Variants in LINGO2 observed in about 807,000 individuals in gnomAD.
The protein encoded by LINGO2 is leucine-rich repeat and immunoglobulin-like domain-containing nogo receptor-interacting protein 2.
Under a neutral mutation model 30.6 loss-of-function variants are expected in LINGO2, and 14 were observed. The ratio of observed to expected loss-of-function variants is 0.46; its 90% CI spans 0.30 to 0.72. LINGO2 has a LOEUF of 0.72. LINGO2 is among the 30% of genes least tolerant of loss of function. The probability of loss-of-function intolerance (pLI) is 0.07; values close to 1 mark genes in which losing one functional copy is unlikely to be tolerated. For synonymous variants in LINGO2, 317 were observed against 288.5 expected (o/e 1.10, Z -1.00); for missense variants, 729 against 751.7 (o/e 0.97, Z 0.35).
chr9:28,387,561 T>C (rs1821639549), intron 2 of LINGO2, among the ~76,000 whole-genome samples: 1 of 152,210 alleles, frequency 6.6e-6, no homozygotes, highest in Admixed American at 6.5e-5. Context: ...ACTCTTTGGG[T>C]CCACACAGTC....
chr9:28,726,905 T>C, the LINGO2 span, among the ~76,000 whole-genome samples: 1 of 152,176 alleles, frequency 6.6e-6, no homozygotes, highest in Non-Finnish European at 1.5e-5. Flanking sequence ...TTGACCACCA[T>C]TGGATCTGGG....
intron 1 of LINGO2, among the ~76,000 whole-genome samples, chr9:28,558,609 T>A (rs1320560280): frequency 6.6e-6 from 1 of 152,078 alleles, no homozygotes; most frequent in Non-Finnish European, 1.5e-5. Flanking sequence ...TTTATGGTAT[T>A]TAGCCATAAT....
chr9:28,858,108 A>T, the LINGO2 span, among the ~76,000 whole-genome samples: 108 of 152,098 alleles, frequency 7.1e-4, no homozygotes, highest in African/African-American at 2.4e-3. Flanking sequence ...TCAGGCTGTC[A>T]GGACCTGCCC....
chr9:28,339,233 G>A (rs150039970), intron 3 of LINGO2, among the ~76,000 whole-genome samples: 1 of 151,898 alleles, frequency 6.6e-6, no homozygotes, highest in East Asian at 1.9e-4. Flanking sequence ...GTCTTTAATG[G>A]AACTAATATT....
Position 28,053,348 on chromosome 9 carries a change from G to A in LINGO2, c.-86-40943C>T, listed in dbSNP as rs80151250. Reference sequence around the variant, plus strand: ...GTCTTAGGCTGCAAGGGAGAGAGTCGTAAGAGACAAAACTAGAATGCTAAG... The same window carrying A: ...GTCTTAGGCTGCAAGGGAGAGAGTCATAAGAGACAAAACTAGAATGCTAAG... On this transcript the variant is annotated intron_variant, in intron 4 of 5. Transcript: ENST00000379992. 5.3e-3 allele frequency among the ~76,000 whole-genome samples: 805 copies of A among 152,038 alleles called. 11 individuals are homozygous for A. The highest frequency in any genetic ancestry group is 0.019 in the African/African-American group (767 of 41,452).
chr9:28,042,844 C>A (rs1041240565), intron 4 of LINGO2, among the ~76,000 whole-genome samples: 2 of 152,098 alleles, frequency 1.3e-5, no homozygotes, highest in Non-Finnish European at 2.9e-5. Flanking sequence ...AATAAGAGTT[C>A]TGATTAATAT....
the LINGO2 span, among the ~76,000 whole-genome samples, chr9:28,970,583 C>A: frequency 1.1e-4 from 16 of 152,180 alleles, no homozygotes; most frequent in South Asian, 3.3e-3. Flanking sequence ...GGAGGGAGAG[C>A]ACAGCAGTTA....
intron 2 of LINGO2, among the ~76,000 whole-genome samples, chr9:28,441,348 A>C (rs1186463326): frequency 7.3e-6 from 1 of 137,358 alleles, no homozygotes; most frequent in Admixed American, 8.3e-5. Context: ...TTTCAGTTAA[A>C]TACAGAAGCT....
intron 4 of LINGO2, among the ~76,000 whole-genome samples, chr9:28,059,350 G>A (rs763442770): frequency 1.3e-5 from 2 of 152,000 alleles, no homozygotes; most frequent in Non-Finnish European, 2.9e-5. Context: ...ATACACTAGT[G>A]ATGCCCCCCC....
intron 1 of LINGO2, among the ~76,000 whole-genome samples, chr9:28,532,218 G>T (rs1821260696): frequency 6.6e-6 from 1 of 152,164 alleles, no homozygotes; most frequent in African/African-American, 2.4e-5. Flanking sequence ...GACAGCTTGG[G>T]GGCTGAGAAA....
chr9:29,161,178 A>G, the LINGO2 span, among the ~76,000 whole-genome samples: 1 of 152,232 alleles, frequency 6.6e-6, no homozygotes, highest in Non-Finnish European at 1.5e-5. Flanking sequence ...GGAGGCACAA[A>G]GCAGGCTGCC....
intron 1 of LINGO2, among the ~76,000 whole-genome samples, chr9:28,634,532 C>A (rs915694651): frequency 1.2e-4 from 17 of 141,238 alleles, no homozygotes; most frequent in African/African-American, 4.6e-4. Flanking sequence ...GTAACCCAGG[C>A]TGGAGTGCAG....
At chr9:29,027,255 G>A in the LINGO2 span, among the ~76,000 whole-genome samples, 1 of 152,184 alleles carries the variant, frequency 6.6e-6, no homozygotes, top group Non-Finnish European at 1.5e-5. Context: ...TTATGTTCTA[G>A]CATTAAATAA....
intron 4 of LINGO2, among the ~76,000 whole-genome samples, chr9:28,024,812 G>A (rs1016381739): frequency 2.6e-5 from 4 of 152,040 alleles, no homozygotes; most frequent in African/African-American, 7.2e-5. Context: ...CAGCTTCCCC[G>A]ACGTGGAGCC....
intron 4 of LINGO2, among the ~76,000 whole-genome samples, chr9:28,013,650 C>T (rs540041679): frequency 1.3e-5 from 2 of 152,148 alleles, no homozygotes; most frequent in Admixed American, 1.3e-4. Context: ...TCTACAATGG[C>T]TCTTCATTTT....
intron 1 of LINGO2, among the ~76,000 whole-genome samples, chr9:28,668,407 T>C: frequency 6.6e-6 from 1 of 152,072 alleles, no homozygotes; most frequent in South Asian, 2.1e-4. Context: ...TAAACTTCGG[T>C]TAAAATAAAG....
chr9:28,985,024 T>A, the LINGO2 span, among the ~76,000 whole-genome samples: 12 of 152,182 alleles, frequency 7.9e-5, no homozygotes, highest in East Asian at 5.8e-4. Flanking sequence ...ATCTCCCCAC[T>A]GCCTCCATCC....
chr9:28,705,866 A>C, the LINGO2 span, among the ~76,000 whole-genome samples: 11,126 of 152,068 alleles, frequency 0.073, 576 homozygotes, highest in Admixed American at 0.19. Context: ...CCGTGTTTCC[A>C]ATTTGGAGGG....
intron 1 of LINGO2, among the ~76,000 whole-genome samples, chr9:28,597,955 G>A (rs1359645302): frequency 6.6e-6 from 1 of 151,956 alleles, no homozygotes; most frequent in Non-Finnish European, 1.5e-5. Flanking sequence ...AGTAGAGAAG[G>A]GGCTTCACTA....
Sources: allele counts gnomAD v4.1 joint callset (sites outside exome capture counted in the v4.1 genomes callset), GRCh38; gene constraint gnomAD v4.1.1; transcripts MANE v1.5; gene names NCBI Gene and HGNC (gene_info 2026-07-23, HGNC 2026-07-21).